COL24A1: variants seen among roughly 807,000 people sequenced by gnomAD.
COL24A1 encodes the protein collagen alpha-1(XXIV) chain.
A neutral mutation model predicts 253.9 loss-of-function variants in COL24A1; 224 were observed. The observed-to-expected ratio is 0.88, with a 90% CI of 0.79 to 0.99. The LOEUF is 0.99. COL24A1 is among the 50% of genes least tolerant of loss of function. COL24A1 has a pLI of 0.00. For missense variants in COL24A1, 2,131 were observed against 2,068.5 expected (o/e 1.03, Z -0.59); for synonymous variants, 685 against 673.7 (o/e 1.02, Z -0.26).
At position 85,747,273 on chromosome 1, in the gene COL24A1, C is replaced by T. The variant is rs750589139; in HGVS notation, c.4438-1767G>A. Among the ~76,000 whole-genome samples, 4 of 151,570 alleles carry T rather than the reference C, an allele frequency of 2.6e-5. No individual in the cohort carries two copies. The South Asian group carries it at 6.2e-4, about 24-fold the overall frequency. On this transcript the variant is annotated intron_variant, in intron 55 of 59. Coordinates refer to ENST00000370571, the MANE Select transcript of COL24A1 (RefSeq NM_152890.7). ...TGACTACAGGCTTGTGACAACACACCCAGCTAATTTTTGTATTTTTGGTAG... is the reference window on the plus strand; with the variant it reads ...TGACTACAGGCTTGTGACAACACACTCAGCTAATTTTTGTATTTTTGGTAG...
At chr1:86,026,999 A>G (rs1006345203) in intron 14 of COL24A1, among the ~76,000 whole-genome samples, 1 of 152,168 alleles carries the variant, frequency 6.6e-6, no homozygotes, top group African/African-American at 2.4e-5. Context: ...CCTGCCCTAA[A>G]GTTCTGTGGA....
At chr1:85,986,418 T>C (rs888148776) in intron 20 of COL24A1, among the ~76,000 whole-genome samples, 1 of 151,864 alleles carries the variant, frequency 6.6e-6, no homozygotes, top group South Asian at 2.1e-4. Context: ...TTGAAGATAC[T>C]TTACTACTCA....
chr1:85,946,178 C>T (rs960209639), intron 24 of COL24A1, among the ~76,000 whole-genome samples: 7 of 152,188 alleles, frequency 4.6e-5, no homozygotes, highest in Non-Finnish European at 1.0e-4. Context: ...ATCATGAATA[C>T]TGAGTCTGTA....
chr1:85,925,002 A>T (rs1188534067), intron 24 of COL24A1, among the ~76,000 whole-genome samples: 1 of 152,236 alleles, frequency 6.6e-6, no homozygotes, highest in Non-Finnish European at 1.5e-5. Context: ...ATGTGCAAAT[A>T]TCACAAGCAT....
In COL24A1 at chr1:86,125,811, G is replaced by A; in HGVS notation, c.525C>T (p.Val175=). The change falls in exon 3 of 60, where the codon GTC becomes GTT. Residue 175 remains valine (V), a synonymous_variant. Transcript: ENST00000370571. ...TCTTTCCACACTCAACAAACATTGAGACACTTTGGTTTCTAATAGTAATGG... is the reference window on the plus strand; with the variant it reads ...TCTTTCCACACTCAACAAACATTGAAACACTTTGGTTTCTAATAGTAATGG... ...SFAITIRNQS[V]SMFVECGKKY... is the part of the protein sequence containing the mutation. 6.2e-7 allele frequency: 1 copy of A among 1,613,268 alleles called. No individual in the cohort carries two copies. Among genetic ancestry groups the A allele is most frequent in the Non-Finnish European group, 8.5e-7 (1 of 1,179,744 alleles).
chr1:86,131,433 C>T (rs947221214), intron 2 of COL24A1, among the ~76,000 whole-genome samples: 4 of 151,576 alleles, frequency 2.6e-5, no homozygotes, highest in Admixed American at 2.6e-4. Flanking sequence ...TACATATGTA[C>T]ACATGTGCCA....
At chr1:85,985,594 C>G (rs1473092764) in intron 20 of COL24A1, among the ~76,000 whole-genome samples, 1 of 151,690 alleles carries the variant, frequency 6.6e-6, no homozygotes, top group Non-Finnish European at 1.5e-5. Context: ...GCAGGAAGAA[C>G]AACTACTGAA....
intron 9 of COL24A1, 47 bp downstream of exon 9, chr1:86,059,074 T>G (rs1185854431): frequency 7.6e-7 from 1 of 1,312,204 alleles, no homozygotes; most frequent in Non-Finnish European, 1.1e-6. Context: ...TACAATGTAT[T>G]AATAAATAGG....
chr1:86,126,006 A>G lies in COL24A1; in HGVS notation c.330T>C (p.Thr110=). The G allele has an allele frequency of 1.2e-6, 2 of 1,613,644 alleles. No individual in the cohort carries two copies. The highest frequency in any genetic ancestry group is 1.7e-6 in the Non-Finnish European group (2 of 1,179,804). The change falls in exon 3 of 60, where the codon ACT becomes ACC. Residue 110 remains threonine, a synonymous_variant. Transcript: ENST00000370571. ...TGTTCACCCGATGTGACTGTAACCC[A>G]GTTAATATTGTAAACGGCTGCCCCA... is the stretch of plus-strand genomic sequence containing the variant. ...VNLGQPFTIL[T]GLQSHRVNNA...
chr1:85,990,172 G>A (rs567467299), intron 19 of COL24A1, among the ~76,000 whole-genome samples: 172 of 151,582 alleles, frequency 1.1e-3, no homozygotes, highest in Non-Finnish European at 2.1e-3. Context: ...TTCGTGGCTT[G>A]TTGTAGCCCC....
chr1:85,898,042 TA>T (rs796440194), intron 28 of COL24A1, among the ~76,000 whole-genome samples: 102 of 152,190 alleles, frequency 6.7e-4, no homozygotes, highest in African/African-American at 2.0e-3. Context: ...ACTCAAAGAA[TA>T]AAAAAGTAGT....
intron 24 of COL24A1, among the ~76,000 whole-genome samples, chr1:85,948,523 CAAAAAAA>C (rs751884453): frequency 9.4e-5 from 6 of 63,610 alleles, no homozygotes; most frequent in Non-Finnish European, 1.7e-4. Context: ...GACTCCGTCT[CAAAAAAA>C]AAAAAAAAAA....
chr1:85,795,532 T>C (rs1266080531), intron 47 of COL24A1, among the ~76,000 whole-genome samples: 1 of 152,174 alleles, frequency 6.6e-6, no homozygotes, highest in East Asian at 1.9e-4. Flanking sequence ...AAATTACAAA[T>C]ATTTCGAATA....
chr1:85,867,745 G>GTC (rs969510723), intron 37 of COL24A1, among the ~76,000 whole-genome samples: 1 of 151,816 alleles, frequency 6.6e-6, no homozygotes, highest in Non-Finnish European at 1.5e-5. Flanking sequence ...CTCTCAGTCT[G>GTC]TCTCTCTCTC....
intron 24 of COL24A1, among the ~76,000 whole-genome samples, chr1:85,939,230 C>A (rs1017742529): frequency 6.6e-6 from 1 of 152,128 alleles, no homozygotes; most frequent in African/African-American, 2.4e-5. Flanking sequence ...AGAATCTCTT[C>A]TTAACCAAAA....
intron 18 of COL24A1, among the ~76,000 whole-genome samples, chr1:86,018,982 T>G (rs567182947): frequency 6.6e-6 from 1 of 152,308 alleles, no homozygotes; most frequent in Non-Finnish European, 1.5e-5. Context: ...TGTTACAACT[T>G]AGATCTACTT....
At chr1:85,901,629 G>A (rs1296118100) in intron 28 of COL24A1, among the ~76,000 whole-genome samples, 1 of 151,778 alleles carries the variant, frequency 6.6e-6, no homozygotes, top group Non-Finnish European at 1.5e-5. Context: ...TGGCCAACAT[G>A]GTGAAACCCC....
At chr1:85,761,933 AT>A (rs1477107217) in intron 53 of COL24A1, among the ~76,000 whole-genome samples, 1 of 152,174 alleles carries the variant, frequency 6.6e-6, no homozygotes, top group Non-Finnish European at 1.5e-5. Flanking sequence ...AGACACATTA[AT>A]TTCCTTTATC....
chr1:85,808,573 A>C (rs1672215877), intron 47 of COL24A1, among the ~76,000 whole-genome samples: 1 of 152,202 alleles, frequency 6.6e-6, no homozygotes, highest in South Asian at 2.1e-4. Context: ...TCTCTGTCAT[A>C]AAACAGACTG....
Sources: gnomAD v4.1 joint callset for allele counts (sites outside exome capture counted in the v4.1 genomes callset) on GRCh38, gnomAD v4.1.1 for gene constraint, MANE v1.5 for transcripts, NCBI Gene and HGNC (gene_info 2026-07-23, HGNC 2026-07-21) for gene names.